PAK4: variants seen among roughly 807,000 people sequenced by gnomAD.
The protein encoded by PAK4 is serine/threonine-protein kinase PAK 4.
PAK4 carries 49 observed loss-of-function variants against 53.5 expected under a neutral mutation model. That is an observed-to-expected ratio of 0.92 (90% confidence interval 0.73 to 1.16). PAK4 has a LOEUF of 1.16. Among genes scored for constraint, PAK4 ranks in the 50% most tolerant of loss-of-function variants. The probability of loss-of-function intolerance (pLI) is 0.00; values close to 1 mark genes in which losing one functional copy is unlikely to be tolerated. For synonymous variants in PAK4, 376 were observed against 375.6 expected (o/e 1.00, Z -0.01); for missense variants, 824 against 850.7 (o/e 0.97, Z 0.39).
At chr19:39,153,379 C>T (rs1256770990) in intron 1 of PAK4, among the ~76,000 whole-genome samples, 1 of 152,274 alleles carries the variant, frequency 6.6e-6, no homozygotes, top group Non-Finnish European at 1.5e-5. Context: ...GTACCTCAGC[C>T]TCCCGAGTAG....
At chr19:39,160,522 A>G (rs1220240188) in intron 1 of PAK4, among the ~76,000 whole-genome samples, 1 of 152,124 alleles carries the variant, frequency 6.6e-6, no homozygotes, top group Non-Finnish European at 1.5e-5. Flanking sequence ...AGGAGGTTTT[A>G]TTTGCACTAA....
At chr19:39,169,717 A>T (rs112229040) in exon 2 of PAK4, 1 of 1,604,300 alleles carries the variant, frequency 6.2e-7, no homozygotes, top group African/African-American at 1.3e-5. Context: ...CCCCTCGTCG[A>T]CCCCGCCTGC....
At chr19:39,163,935 C>T (rs148064997) in intron 1 of PAK4, among the ~76,000 whole-genome samples, 1 of 152,166 alleles carries the variant, frequency 6.6e-6, no homozygotes, top group Admixed American at 6.5e-5. Context: ...GAGGACAGTC[C>T]CTGCCCTGTG....
intron 7 of PAK4, 114 bp downstream of exon 8, chr19:39,176,829 T>C: frequency 7.7e-7 from 1 of 1,304,400 alleles, no homozygotes; most frequent in South Asian, 1.3e-5. Flanking sequence ...CCAGGAATGG[T>C]GCTCTGGACA....
intron 1 of PAK4, among the ~76,000 whole-genome samples, chr19:39,130,479 G>C (rs2073687776): frequency 6.6e-6 from 1 of 152,030 alleles, no homozygotes; most frequent in African/African-American, 2.4e-5. Flanking sequence ...ATATGAGCGA[G>C]GCTGGAAGGA....
Position 39,134,023 on chromosome 19 carries a change from A to G in PAK4, c.-23+8104A>G, listed in dbSNP as rs116450736. On this transcript the variant is annotated intron_variant, in intron 1 of 8. Transcript: ENST00000358301. ...GTGAAGACCCCTCCCTGCCCTCCCC[A>G]CAGGAGGCCCCTGTCCTTCTCTCCC... Among the ~76,000 whole-genome samples, 1,052 of 151,302 alleles carry G rather than the reference A, an allele frequency of 7.0e-3. 13 individuals carry two copies. The highest frequency in any genetic ancestry group is 0.024 in the African/African-American group (973 of 41,094).
intron 2 of PAK4, 21 bp downstream of exon 3, chr19:39,169,778 C>T (rs1344270970): frequency 1.3e-6 from 2 of 1,550,500 alleles, no homozygotes; most frequent in East Asian, 4.6e-5. Context: ...CCCACCACCA[C>T]CTCCCCCAGC....
chr19:39,129,318 G>C (rs376269265), intron 1 of PAK4, among the ~76,000 whole-genome samples: 104 of 152,098 alleles, frequency 6.8e-4, no homozygotes, highest in African/African-American at 1.4e-3. Context: ...TGTCACACAG[G>C]AGTTGCCTGT....
At chr19:39,127,358 A>G (rs1431182765) in intron 1 of PAK4, among the ~76,000 whole-genome samples, 2 of 151,444 alleles carry the variant, frequency 1.3e-5, no homozygotes, top group Non-Finnish European at 2.9e-5. Context: ...TCTGCTGGGA[A>G]TCCTTTCCCC....
chr19:39,158,914 A>G (rs1375350320), intron 1 of PAK4, among the ~76,000 whole-genome samples: 8 of 152,146 alleles, frequency 5.3e-5, no homozygotes, highest in Non-Finnish European at 8.8e-5. Flanking sequence ...CATCCTCTGT[A>G]GTGTGTTTGT....
At chr19:39,151,839 G>C (rs576438073) in intron 1 of PAK4, among the ~76,000 whole-genome samples, 154 of 152,362 alleles carry the variant, frequency 1.0e-3, no homozygotes, top group Non-Finnish European at 1.6e-3. Flanking sequence ...CACCATCTCA[G>C]TTCACTGCAA....
intron 1 of PAK4, among the ~76,000 whole-genome samples, chr19:39,164,617 C>G (rs1009507804): frequency 2.0e-5 from 3 of 152,124 alleles, no homozygotes; most frequent in African/African-American, 7.2e-5. Flanking sequence ...TGTGGGGACT[C>G]TCAGGCCACG....
At chr19:39,135,502 A>G (rs2073796219) in intron 1 of PAK4, among the ~76,000 whole-genome samples, 1 of 151,640 alleles carries the variant, frequency 6.6e-6, no homozygotes, top group Admixed American at 6.6e-5. Context: ...CGCACGGCTA[A>G]TTTTGTATTT....
chr19:39,140,560 T>C (rs2073892595), intron 1 of PAK4, among the ~76,000 whole-genome samples: 1 of 152,232 alleles, frequency 6.6e-6, no homozygotes, highest in Non-Finnish European at 1.5e-5. Flanking sequence ...GGTCAGTAGT[T>C]TAATTGCAAC....
chr19:39,169,663 G>A, exon 2 of PAK4: 1 of 1,613,438 alleles, frequency 6.2e-7, no homozygotes, highest in Non-Finnish European at 8.5e-7. Context: ...GGGCTGCCCC[G>A]CCAGTGGCAG....
At chr19:39,172,436 T>C (rs1242091617) in intron 2 of PAK4, among the ~76,000 whole-genome samples, 7 of 152,144 alleles carry the variant, frequency 4.6e-5, no homozygotes, top group Admixed American at 2.6e-4. Context: ...TGACTCTCCC[T>C]GTCCCCCACT....
chr19:39,147,015 T>C (rs1045671509), intron 1 of PAK4, among the ~76,000 whole-genome samples: 6 of 113,086 alleles, frequency 5.3e-5, no homozygotes, highest in African/African-American at 1.9e-4. Context: ...CCTGCGAGAC[T>C]GTAGTACCAG....
At chr19:39,169,456 G>A in intron 1 of PAK4, 76 bp from the exon 3 acceptor site, 2 of 1,060,738 alleles carry the variant, frequency 1.9e-6, no homozygotes, top group East Asian at 2.4e-5. Flanking sequence ...GATGAGGATG[G>A]GAGGGACAGA....
intron 1 of PAK4, among the ~76,000 whole-genome samples, chr19:39,148,554 A>G (rs2074043989): frequency 7.9e-6 from 1 of 127,290 alleles, no homozygotes; most frequent in Non-Finnish European, 1.6e-5. Context: ...TCCTGGGTTC[A>G]AGTGATGCTT....
Sources: allele counts gnomAD v4.1 joint callset (sites outside exome capture counted in the v4.1 genomes callset), GRCh38; gene constraint gnomAD v4.1.1; transcripts MANE v1.5; gene names NCBI Gene and HGNC (gene_info 2026-07-23, HGNC 2026-07-21).